C19orf47: variants seen among roughly 807,000 people sequenced by gnomAD.
The protein encoded by C19orf47 is uncharacterized protein C19orf47.
A neutral mutation model predicts 32.3 loss-of-function variants in C19orf47; 18 were observed. The ratio of observed to expected loss-of-function variants is 0.56; its 90% CI spans 0.39 to 0.83. The LOEUF (loss-of-function observed/expected upper bound fraction) is 0.83, where lower values mean the gene tolerates loss of function less well. Among genes scored for constraint, C19orf47 ranks in the 40% least tolerant of loss-of-function variants. C19orf47 has a pLI of 0.00. For missense variants in C19orf47, 484 were observed against 531.6 expected, an observed-to-expected ratio of 0.91 and a Z score of 0.88; for synonymous variants, 202 against 211.1, an observed-to-expected ratio of 0.96 and a Z score of 0.37.
At chr19:40,313,970 A>C in the C19orf47 span, among the ~76,000 whole-genome samples, 1 of 151,568 alleles carries the variant, frequency 6.6e-6, no homozygotes, top group African/African-American at 2.4e-5. Context: ...GGGAGGCTCC[A>C]GTAGCAGCCA....
intron 2 of C19orf47, among the ~76,000 whole-genome samples, chr19:40,340,511 T>A (rs148416007): frequency 8.4e-4 from 126 of 150,162 alleles, no homozygotes; most frequent in Admixed American, 1.3e-3. Flanking sequence ...TGAAACCCCA[T>A]CTCTACTAAA....
At chr19:40,311,312 C>A in the C19orf47 span, among the ~76,000 whole-genome samples, 2 of 151,356 alleles carry the variant, frequency 1.3e-5, no homozygotes, top group Admixed American at 1.3e-4. Context: ...CCGGGAGGCA[C>A]AGGTTGCGGT....
At position 40,336,535 on chromosome 19, in the gene C19orf47, C is replaced by T. The variant is rs1318067840; in HGVS notation, c.20-128G>A. 5.1e-6 allele frequency: 4 copies of T among 779,436 alleles called. No homozygotes were observed. In the African/African-American group the frequency reaches 6.8e-5, roughly 13 times the overall value. 48.3% of individuals were successfully genotyped at this position (779,436 alleles called of 1,614,324 possible). On this transcript the variant is annotated intron_variant, in intron 2 of 8. Coordinates refer to ENST00000683109, the MANE Select transcript of C19orf47 (RefSeq NM_001256441.2). The stretch of plus-strand genomic sequence containing the variant: ...ATGCCAGGCCCTGCATGGAGTGCTC[C>T]ACACACACATGATGGAACTGAGCCT...
chr19:40,337,914 C>G (rs1376575296), intron 2 of C19orf47, among the ~76,000 whole-genome samples: 1 of 152,166 alleles, frequency 6.6e-6, no homozygotes, highest in Non-Finnish European at 1.5e-5. Context: ...CCTGCTAAGC[C>G]ATAGGGCCCT....
chr19:40,332,662 A>G (rs1363086990), intron 5 of C19orf47: 2 of 152,178 alleles, frequency 1.3e-5, no homozygotes, highest in East Asian at 3.9e-4. Context: ...AAAAAAAGAA[A>G]AAGAAAAAAT....
At chr19:40,333,212 C>T (rs185018491) in intron 5 of C19orf47, among the ~76,000 whole-genome samples, 7 of 151,332 alleles carry the variant, frequency 4.6e-5, no homozygotes, top group Admixed American at 4.0e-4. Flanking sequence ...GAGCTGAGAT[C>T]GTGCCACTGT....
At chr19:40,339,724 C>T (rs1230850320) in intron 2 of C19orf47, among the ~76,000 whole-genome samples, 1 of 152,094 alleles carries the variant, frequency 6.6e-6, no homozygotes. Context: ...GTAATCCCAG[C>T]ACTTTGGGAG....
At chr19:40,330,597 T>TG (rs1285537807) in intron 5 of C19orf47, among the ~76,000 whole-genome samples, 3 of 128,574 alleles carry the variant, frequency 2.3e-5, no homozygotes, top group African/African-American at 9.0e-5. Flanking sequence ...CCCACGATGA[T>TG]GGAGTACAGT....
chr19:40,341,740 C>A, intron 2 of C19orf47, 99 bp downstream of exon 2: 1 of 1,502,524 alleles, frequency 6.7e-7, no homozygotes. Flanking sequence ...CTGCCAGTGA[C>A]CCAGTCCTCC....
the C19orf47 span, among the ~76,000 whole-genome samples, chr19:40,295,890 G>T: frequency 6.6e-6 from 1 of 152,072 alleles, no homozygotes; most frequent in African/African-American, 2.4e-5. Context: ...GGGACTACAG[G>T]CATGTGCCAC....
Position 40,321,387 on chromosome 19 carries a change from A to G in C19orf47, c.*495T>C. ...GACAGAAAACAGAAGAGAAATGAAC[A>G]AAGTGAAGACAGGGAGAGAGAGAAG... is the stretch of plus-strand genomic sequence containing the variant. On this transcript the variant is annotated 3_prime_UTR_variant, in exon 9 of 9. Coordinates refer to ENST00000683109, the MANE Select transcript of C19orf47 (RefSeq NM_001256441.2). 1 of 990,528 alleles carries G rather than the reference A, an allele frequency of 1.0e-6. No individual in the cohort carries two copies. The highest frequency in any genetic ancestry group is 1.2e-6 in the Non-Finnish European group (1 of 833,136). 61.4% of individuals were successfully genotyped at this position (990,528 alleles called of 1,614,324 possible). A position where few individuals can be genotyped will look rare whatever the true frequency, so the allele number is the denominator to read the frequency against.
chr19:40,309,949 C>T, the C19orf47 span, among the ~76,000 whole-genome samples: 1 of 152,140 alleles, frequency 6.6e-6, no homozygotes, highest in African/African-American at 2.4e-5. Flanking sequence ...TGATGGAAAA[C>T]AGTCTGGCAG....
chr19:40,339,817 C>T (rs766027024), intron 2 of C19orf47, among the ~76,000 whole-genome samples: 2 of 151,724 alleles, frequency 1.3e-5, no homozygotes, highest in South Asian at 2.1e-4. Context: ...ACTAAAAATA[C>T]AAAATTAGCC....
intron 8 of C19orf47, among the ~76,000 whole-genome samples, chr19:40,323,805 C>A (rs2145519165): frequency 6.6e-6 from 1 of 152,164 alleles, no homozygotes; most frequent in Admixed American, 6.6e-5. Flanking sequence ...AGTACTGGAC[C>A]CCCAGGGCTG....
downstream of C19orf47, among the ~76,000 whole-genome samples, chr19:40,314,628 C>G (rs1301497868): frequency 6.6e-6 from 1 of 152,166 alleles, no homozygotes. Flanking sequence ...GGAGAAGAGA[C>G]ACATTTCCTT....
the C19orf47 span, among the ~76,000 whole-genome samples, chr19:40,306,150 T>G: frequency 3.5e-5 from 2 of 57,302 alleles, no homozygotes; most frequent in Admixed American, 4.5e-4. Context: ...AAACTCTGTC[T>G]CAAAAAAAAA....
At chr19:40,318,765 C>T (rs2077680005), downstream of C19orf47, among the ~76,000 whole-genome samples, 1 of 152,178 alleles carries the variant, frequency 6.6e-6, no homozygotes, top group Non-Finnish European at 1.5e-5. Context: ...TTACTGCTCT[C>T]TACAGTTGTC....
intron 1 of C19orf47, chr19:40,343,349 GCAAC>G (rs1330623415): frequency 6.6e-6 from 1 of 152,232 alleles, no homozygotes; most frequent in African/African-American, 2.4e-5. Context: ...TAACAACTCT[GCAAC>G]CAGACTGTAC....
chr19:40,338,154 C>T (rs564928672), intron 2 of C19orf47, among the ~76,000 whole-genome samples: 4 of 148,918 alleles, frequency 2.7e-5, no homozygotes, highest in East Asian at 2.0e-4. Flanking sequence ...AGCTCACTGC[C>T]GTCTCAACCT....
Sources: gnomAD v4.1 joint callset for allele counts (sites outside exome capture counted in the v4.1 genomes callset) on GRCh38, gnomAD v4.1.1 for gene constraint, MANE v1.5 for transcripts, NCBI Gene and HGNC (gene_info 2026-07-23, HGNC 2026-07-21) for gene names.